GK5: variants seen among roughly 807,000 people sequenced by gnomAD.
The protein encoded by GK5 is ATP:glycerol 3-phosphotransferase 5.
A neutral mutation model predicts 77.3 loss-of-function variants in GK5; 39 were observed. The ratio of observed to expected loss-of-function variants is 0.50; its 90% confidence interval spans 0.39 to 0.66. The LOEUF is 0.66. Among genes scored for constraint, GK5 ranks in the 30% least tolerant of loss-of-function variants. GK5 has a pLI of 0.00. For synonymous variants in GK5, 211 were observed against 208.0 expected, an observed-to-expected ratio of 1.01 and a Z score of -0.13; for missense variants, 487 against 633.8, an observed-to-expected ratio of 0.77 and a Z score of 2.49.
At chr3:142,184,655 G>C (rs898855425) in intron 9 of GK5, 2 of 158,548 alleles carry the variant, frequency 1.3e-5, no homozygotes, top group African/African-American at 4.8e-5. Context: ...GGCCAACATC[G>C]TGAAACCCCA....
At chr3:142,173,712 C>CAAAAAT (rs1553828251) in intron 12 of GK5, among the ~76,000 whole-genome samples, 1 of 141,566 alleles carries the variant, frequency 7.1e-6, no homozygotes, top group Non-Finnish European at 1.6e-5. Context: ...AAAACAAAAA[C>CAAAAAT]AAAAAACATG....
chr3:142,161,893 G>A lies in GK5; in HGVS notation c.*3729C>T, dbSNP rs1179409216. 1 of 152,220 alleles carries A rather than the reference G, an allele frequency of 6.6e-6. No homozygotes were observed. Among genetic ancestry groups the A allele is most frequent in the Non-Finnish European group, 1.5e-5 (1 of 68,088 alleles). The allele number at this position is 152,220 out of a possible 1,614,324, so 9.4% of individuals were successfully genotyped here. On this transcript the variant is annotated 3_prime_UTR_variant, in exon 16 of 16. Coordinates refer to ENST00000392993, the MANE Select transcript of GK5 (RefSeq NM_001039547.3). ...GGCTCACTGCAGCCTCCACCTCCTG[G>A]AGCTCAAGTGATCTTCCCACCTCAG... is the stretch of plus-strand genomic sequence containing the variant.
intron 5 of GK5, among the ~76,000 whole-genome samples, chr3:142,195,775 T>TCACTCCAATAATGGAAGTATAATC (rs1235012321): frequency 6.6e-6 from 1 of 152,240 alleles, no homozygotes; most frequent in Non-Finnish European, 1.5e-5. Context: ...GAAGTATCTC[T>TCACTCCAATAATGGAAGTATAATC]CACTCCAATA....
rs753589383 is a variant in GK5 at position 142,181,452 on chromosome 3, A to C, written c.1048+9T>G. On this transcript the variant is annotated intron_variant, in intron 11 of 15. Coordinates refer to ENST00000392993, the MANE Select transcript of GK5 (RefSeq NM_001039547.3). Reference sequence around the variant, plus strand: ...CTGGCTTGTGAAATCCATTTAAAAGACAACTTACCTAACTGCTGAGCCCAT... The same window carrying C: ...CTGGCTTGTGAAATCCATTTAAAAGCCAACTTACCTAACTGCTGAGCCCAT... 1.9e-6 allele frequency: 3 copies of C among 1,562,584 alleles called. No individual in the cohort carries two copies. The Admixed American group carries it at 5.3e-5, about 28-fold the overall frequency.
chr3:142,182,556 C>T (rs145470475), intron 10 of GK5, among the ~76,000 whole-genome samples: 21 of 152,142 alleles, frequency 1.4e-4, no homozygotes, highest in African/African-American at 5.1e-4. Context: ...ACCATGTTGG[C>T]CAGGCTGGTC....
At chr3:142,197,192 A>G (rs2063947009) in intron 5 of GK5, among the ~76,000 whole-genome samples, 1 of 152,106 alleles carries the variant, frequency 6.6e-6, no homozygotes, top group Admixed American at 6.5e-5. Flanking sequence ...GTCTCAAAAA[A>G]AAGAGAAAAA....
intron 11 of GK5, 114 bp from the exon 12 acceptor site, chr3:142,177,690 T>C (rs11925749): frequency 0.11 from 76,534 of 682,232 alleles, 4,774 homozygotes; most frequent in Middle Eastern, 0.19. Context: ...TTATTATGAA[T>C]ATAATGTAAA....
At position 142,172,387 on chromosome 3, in the gene GK5, G is replaced by C. The variant is rs534357017; in HGVS notation, c.1213C>G (p.Leu405Val). 2.5e-6 allele frequency: 4 copies of C among 1,603,266 alleles called. No individual in the cohort carries two copies. The East Asian group carries it at 8.9e-5, about 36-fold the overall frequency. Residue 405 changes from leucine to valine, a missense_variant, in exon 13 of 16, where the codon CTT becomes GTT. Physicochemically the swap from Leu to Val is conservative, Grantham distance 32. Coordinates refer to ENST00000392993, the MANE Select transcript of GK5 (RefSeq NM_001039547.3). The part of the protein sequence containing the change: ...GLKPSTSKYH[L>V]VRAILESIAF... ...ATTGACTCCAATATTGCTCGTACAA[G>C]ATGGTATTTACTGGTAGAAGGCTTC...
intron 5 of GK5, among the ~76,000 whole-genome samples, chr3:142,191,949 G>A (rs1560222044): frequency 6.6e-6 from 1 of 152,048 alleles, no homozygotes; most frequent in Non-Finnish European, 1.5e-5. Flanking sequence ...AATGAGCCAC[G>A]ATCATGCCAC....
chr3:142,209,937 C>A (rs911927309), intron 3 of GK5, among the ~76,000 whole-genome samples: 2 of 134,864 alleles, frequency 1.5e-5, no homozygotes, highest in African/African-American at 3.0e-5. Context: ...ACTAAAGAAA[C>A]AAAACAGCTC....
chr3:142,191,124 C>T (rs545682949), intron 5 of GK5, among the ~76,000 whole-genome samples: 1 of 152,032 alleles, frequency 6.6e-6, no homozygotes. Flanking sequence ...CTCTCTGCAA[C>T]CTCCACCTCC....
Position 142,213,342 on chromosome 3 carries a change from A to G in GK5, c.317+184T>C, listed in dbSNP as rs1289654600. Reference sequence around the variant, plus strand: ...AAGTCTTTTTGTGGTATTATATAATATAAGTCAAGCCCAAATGACATGCAG... The same window carrying G: ...AAGTCTTTTTGTGGTATTATATAATGTAAGTCAAGCCCAAATGACATGCAG... On this transcript the variant is annotated intron_variant, in intron 3 of 15. Transcript: ENST00000392993. Among the ~76,000 whole-genome samples the G allele has an allele frequency of 2.0e-4, 31 of 152,218 alleles. 1 individual carries two copies. Among genetic ancestry groups the G allele is most frequent in the Admixed American group, 2.0e-3 (31 of 15,280 alleles).
Position 142,186,256 on chromosome 3 carries a change from A to G in GK5, c.693T>C (p.Ser231=). The stretch of plus-strand genomic sequence containing the variant: ...TCGAAATTAGAGAGGTAATCATCCC[A>G]CTCCAACACATCTGAGCATAAAAAC... ...GLFDPYKMCW[S]GMITSLISIP... Residue 231 remains serine (S), a synonymous_variant, in exon 8 of 16, where the codon AGT becomes AGC. Coordinates refer to ENST00000392993, the MANE Select transcript of GK5 (RefSeq NM_001039547.3). 1 of 1,602,326 alleles carries G rather than the reference A, an allele frequency of 6.2e-7. No homozygotes were observed. The highest frequency in any genetic ancestry group is 8.6e-7 in the Non-Finnish European group (1 of 1,169,564).
intron 4 of GK5, among the ~76,000 whole-genome samples, chr3:142,203,104 A>T (rs2064051938): frequency 6.6e-6 from 1 of 152,176 alleles, no homozygotes; most frequent in Non-Finnish European, 1.5e-5. Context: ...TAAGGTATAA[A>T]ATTATAGATT....
chr3:142,200,250 C>T (rs181026267), intron 4 of GK5, among the ~76,000 whole-genome samples: 2 of 152,242 alleles, frequency 1.3e-5, no homozygotes, highest in East Asian at 3.9e-4. Flanking sequence ...CGCAATGCAA[C>T]CTCTGCCTCC....
At chr3:142,168,933 C>G (rs913342568) in intron 15 of GK5, among the ~76,000 whole-genome samples, 3 of 152,080 alleles carry the variant, frequency 2.0e-5, no homozygotes, top group Non-Finnish European at 4.4e-5. Flanking sequence ...CATCTCTTAC[C>G]CTCTCCTCAC....
In GK5 at chr3:142,204,742, T is replaced by C. The variant is rs745552091; in HGVS notation, c.364A>G (p.Arg122Gly). The C allele has an allele frequency of 1.3e-6, 2 of 1,589,500 alleles. No homozygotes were observed. The highest frequency in any genetic ancestry group is 1.1e-5 in the South Asian group (1 of 89,134). Reference protein sequence around the residue: ...FHNFISWQDLRAVELVKSWNN... With the variant: ...FHNFISWQDLGAVELVKSWNN... ...CAAGATTTTACAAGTTCAACAGCTCTTAAGTCTTGCCAACTTATAAAGTTG... is the reference window on the plus strand; with the variant it reads ...CAAGATTTTACAAGTTCAACAGCTCCTAAGTCTTGCCAACTTATAAAGTTG... The change falls in exon 4 of 16, where the codon AGA becomes GGA. Residue 122 changes from arginine to glycine, a missense_variant. Physicochemically the swap from Arg to Gly is moderately radical, Grantham distance 125. Transcript: ENST00000392993.
At chr3:142,212,858 C>T (rs1347226121) in intron 3 of GK5, among the ~76,000 whole-genome samples, 3 of 18,458 alleles carry the variant, frequency 1.6e-4, no homozygotes, top group Admixed American at 1.1e-3. Context: ...TTTTTTGAGA[C>T]GGAGTCTCGC....
intron 8 of GK5, 70 bp from the exon 9 acceptor site, chr3:142,186,059 T>G (rs1193274676): frequency 7.5e-7 from 1 of 1,337,496 alleles, no homozygotes; most frequent in African/African-American, 1.5e-5. Flanking sequence ...CAGCAAATTG[T>G]TTTTTTGCAT....
Sources: allele counts gnomAD v4.1 joint callset (sites outside exome capture counted in the v4.1 genomes callset), GRCh38; gene constraint gnomAD v4.1.1; transcripts MANE v1.5; gene names NCBI Gene and HGNC (gene_info 2026-07-23, HGNC 2026-07-21).